GRM7: variants seen among roughly 807,000 people sequenced by gnomAD.
GRM7 encodes the protein glutamate metabotropic receptor 7, also known as metabotropic glutamate receptor 7.
Under a neutral mutation model 84.5 loss-of-function variants are expected in GRM7, and 35 were observed. The observed-to-expected ratio is 0.41, with a 90% CI of 0.32 to 0.55. The LOEUF (loss-of-function observed/expected upper bound fraction) is 0.55. Among genes scored for constraint, GRM7 ranks in the 20% least tolerant of loss-of-function variants. The pLI, the probability that GRM7 is intolerant of heterozygous loss-of-function variation, is 0.19. For missense variants in GRM7, 1,003 were observed against 1,194.6 expected (o/e 0.84, Z 2.36); for synonymous variants, 487 against 455.1 (o/e 1.07, Z -0.89).
At chr3:7,415,839 A>C (rs1175690639) in intron 5 of GRM7, among the ~76,000 whole-genome samples, 1 of 152,116 alleles carries the variant, frequency 6.6e-6, no homozygotes, top group Non-Finnish European at 1.5e-5. Flanking sequence ...GGTGGAAGGA[A>C]TTTGACTTTA....
intron 2 of GRM7, among the ~76,000 whole-genome samples, chr3:7,185,697 G>A (rs1695491328): frequency 6.6e-6 from 1 of 152,122 alleles, no homozygotes; most frequent in Admixed American, 6.5e-5. Context: ...AGATGCTTGG[G>A]CCTCCCATCC....
rs150201797 is a variant in GRM7, at chr3:7,594,820, A to G, written c.2451+15463A>G. Among the ~76,000 whole-genome samples the G allele has an allele frequency of 1.8e-4, 27 of 152,224 alleles. No individual in the cohort carries two copies. In the East Asian group the frequency reaches 5.2e-3, roughly 30 times the overall value. On this transcript the variant is annotated intron_variant, in intron 8 of 9. Transcript: ENST00000357716. ...CCACACAGAGAGCAAGGAGAGATAT[A>G]TGGCCTAGGAGAAGCCAGCAGATGG... is the stretch of plus-strand genomic sequence containing the variant.
intron 4 of GRM7, among the ~76,000 whole-genome samples, chr3:7,365,396 C>T (rs1222973595): frequency 6.6e-6 from 1 of 151,666 alleles, no homozygotes; most frequent in Non-Finnish European, 1.5e-5. Context: ...TGCCTAGTTA[C>T]ATAACTTTGA....
intron 1 of GRM7, among the ~76,000 whole-genome samples, chr3:7,035,961 G>A (rs974683638): frequency 6.6e-6 from 1 of 152,198 alleles, no homozygotes; most frequent in African/African-American, 2.4e-5. Context: ...GTTATGACAT[G>A]CACCATTTTG....
chr3:6,915,423 A>G lies in GRM7; in HGVS notation c.519+53516A>G, dbSNP rs182675415. ...GTATAAATATTGAGTTTTTACGGTC[A>G]CTTGGATGGCAGATATAAATAAATG... On this transcript the variant is annotated intron_variant, in intron 1 of 9. Transcript: ENST00000357716. 3.7e-3 allele frequency among the ~76,000 whole-genome samples: 570 copies of G among 152,316 alleles called. 5 individuals are homozygous for G. Among genetic ancestry groups the G allele is most frequent in the African/African-American group, 0.013 (534 of 41,576 alleles).
chr3:7,137,179 T>C (rs965354430), intron 1 of GRM7, among the ~76,000 whole-genome samples: 8 of 152,160 alleles, frequency 5.3e-5, no homozygotes, highest in Non-Finnish European at 1.0e-4. Flanking sequence ...ATATGATATG[T>C]TATTTATGTG....
intron 1 of GRM7, among the ~76,000 whole-genome samples, chr3:7,115,688 T>G (rs1693007397): frequency 6.6e-6 from 1 of 152,178 alleles, no homozygotes; most frequent in Admixed American, 6.5e-5. Flanking sequence ...TCAGATCATC[T>G]AATTAAATGA....
At chr3:7,491,533 C>T (rs1469771117) in intron 7 of GRM7, among the ~76,000 whole-genome samples, 1 of 152,086 alleles carries the variant, frequency 6.6e-6, no homozygotes, top group Non-Finnish European at 1.5e-5. Flanking sequence ...GCCCTGGGCT[C>T]CCAGGAAGGA....
intron 1 of GRM7, among the ~76,000 whole-genome samples, chr3:7,086,106 A>AC (rs1698450257): frequency 6.6e-6 from 1 of 152,142 alleles, no homozygotes; most frequent in Non-Finnish European, 1.5e-5. Flanking sequence ...TGCTAAGCAC[A>AC]ACCACAGACA....
chr3:7,109,546 G>C (rs2125031907), intron 1 of GRM7, among the ~76,000 whole-genome samples: 1 of 152,196 alleles, frequency 6.6e-6, no homozygotes, highest in African/African-American at 2.4e-5. Context: ...TAGACTTACT[G>C]TCCAGGAATG....
At chr3:7,299,982 A>T (rs1699942095) in intron 3 of GRM7, among the ~76,000 whole-genome samples, 1 of 151,448 alleles carries the variant, frequency 6.6e-6, no homozygotes, top group African/African-American at 2.4e-5. Flanking sequence ...ACATGCAAAT[A>T]TACTTTTTAT....
chr3:7,562,897 A>T (rs1235835011), intron 7 of GRM7, among the ~76,000 whole-genome samples: 1 of 152,124 alleles, frequency 6.6e-6, no homozygotes, highest in Non-Finnish European at 1.5e-5. Flanking sequence ...GCTAGTTTTC[A>T]TTATAATGAA....
intron 5 of GRM7, among the ~76,000 whole-genome samples, chr3:7,427,154 G>C (rs1696643894): frequency 6.6e-6 from 1 of 152,138 alleles, no homozygotes; most frequent in African/African-American, 2.4e-5. Context: ...GCATATATTT[G>C]AATTGACAAG....
In GRM7 at chr3:7,486,779, T is replaced by A. The variant is rs1699339054; in HGVS notation, c.1515+25057T>A. 6.6e-6 allele frequency among the ~76,000 whole-genome samples: 1 copy of A among 152,090 alleles called. No homozygotes were observed. Among genetic ancestry groups the A allele is most frequent in the African/African-American group, 2.4e-5 (1 of 41,424 alleles). On this transcript the variant is annotated intron_variant, in intron 7 of 9. Transcript: ENST00000357716. The surrounding 1 kb of genome is among the most constrained non-coding windows in gnomAD (Gnocchi z 5.5). The stretch of plus-strand genomic sequence containing the variant: ...TCTACTACAGCAACACCAAAGAAAC[T>A]AAGAAAATGGATGCTGGGAAGTGGA...
At chr3:7,639,294 C>T (rs892211629) in intron 8 of GRM7, among the ~76,000 whole-genome samples, 1 of 152,220 alleles carries the variant, frequency 6.6e-6, no homozygotes, top group Non-Finnish European at 1.5e-5. Flanking sequence ...TGTGGCCAGA[C>T]CCATCTTGCC....
chr3:7,436,838 T>A (rs1697076177), intron 5 of GRM7, among the ~76,000 whole-genome samples: 1 of 152,204 alleles, frequency 6.6e-6, no homozygotes, highest in South Asian at 2.1e-4. Flanking sequence ...ACCTTCTGTG[T>A]TGTTTCCTTG....
At chr3:7,031,258 C>A (rs1696172155) in intron 1 of GRM7, among the ~76,000 whole-genome samples, 1 of 152,082 alleles carries the variant, frequency 6.6e-6, no homozygotes. Context: ...AGTCTCTTCA[C>A]ACCTAAAATT....
chr3:7,112,552 C>T (rs190349003), intron 1 of GRM7, among the ~76,000 whole-genome samples: 6 of 152,176 alleles, frequency 3.9e-5, no homozygotes, highest in Admixed American at 1.3e-4. Flanking sequence ...ATTTGCTTCA[C>T]ATTTTTATAT....
intron 5 of GRM7, among the ~76,000 whole-genome samples, chr3:7,428,397 C>A (rs1422418778): frequency 1.3e-5 from 2 of 152,062 alleles, no homozygotes; most frequent in Non-Finnish European, 2.9e-5. Context: ...TGATTGTTCA[C>A]CTGCTTTTAA....
Sources: allele counts gnomAD v4.1 joint callset (sites outside exome capture counted in the v4.1 genomes callset), GRCh38; gene constraint gnomAD v4.1.1; non-coding constraint Gnocchi (gnomAD v3.1); transcripts MANE v1.5; gene names NCBI Gene and HGNC (gene_info 2026-07-23, HGNC 2026-07-21).